Variants in HIVEP3 observed in about 807,000 individuals in gnomAD.
HIVEP3 encodes the protein transcription factor HIVEP3.
Under a neutral mutation model 152.8 loss-of-function variants are expected in HIVEP3, and 49 were observed. The observed-to-expected ratio is 0.32, with a 90% CI of 0.26 to 0.41. The LOEUF is 0.41. Ranked by LOEUF, HIVEP3 falls within the 10% of genes least tolerant of loss-of-function variation. HIVEP3 has a pLI of 1.00. For synonymous variants in HIVEP3, 1,269 were observed against 1,289.0 expected (o/e 0.98, Z 0.33); for missense variants, 2,790 against 3,103.3 (o/e 0.90, Z 2.40).
At chr1:42,034,945 C>T (rs113367657) in intron 1 of HIVEP3, among the ~76,000 whole-genome samples, 3 of 152,240 alleles carry the variant, frequency 2.0e-5, no homozygotes, top group African/African-American at 7.2e-5. Context: ...GACATGGAAT[C>T]GCTCTCTCAC....
Position 41,575,597 on chromosome 1 carries a change from A to C in HIVEP3, c.5154T>G (p.Asp1718Glu). 3 of 1,613,842 alleles carry C rather than the reference A, an allele frequency of 1.9e-6. No homozygotes were observed. The highest frequency in any genetic ancestry group is 1.6e-4 in the Middle Eastern group (1 of 6,062). Residue 1718 changes from aspartate to glutamate, a missense_variant, in exon 5 of 9, where the codon GAT becomes GAG. Physicochemically the swap from Asp to Glu is conservative, Grantham distance 45 (BLOSUM62 2). Transcript: ENST00000372583. ...GCTCCCCTCTCTGGGAGGCAGGAGC[A>C]TCCTCCTCCGGCTCCCCTCTCCTCT... ...EEERRGEPEE[D>E]APASQRGEPA... is the part of the protein sequence containing the mutation.
intron 1 of HIVEP3, among the ~76,000 whole-genome samples, chr1:42,004,009 T>C (rs2124525307): frequency 6.6e-6 from 1 of 152,288 alleles, no homozygotes; most frequent in Non-Finnish European, 1.5e-5. Context: ...ACAAGGCATC[T>C]CATGTTGTAG....
intron 3 of HIVEP3, among the ~76,000 whole-genome samples, chr1:41,588,755 G>T (rs891626453): frequency 1.3e-5 from 2 of 152,130 alleles, no homozygotes; most frequent in Non-Finnish European, 2.9e-5. Context: ...GAGCTGGAGG[G>T]GCCACCCTGT....
At position 41,700,294 on chromosome 1, in the gene HIVEP3, C is replaced by T. The variant is rs77670358; in HGVS notation, c.-721+622G>A. ...CAGGCAATAAATGATGTCCTGATGA[C>T]GAGGTCATGAGAGGGCAGGCATGGG... On this transcript the variant is annotated intron_variant, in intron 2 of 8. Transcript: ENST00000372583. 1.8e-3 allele frequency among the ~76,000 whole-genome samples: 274 copies of T among 152,308 alleles called. 7 individuals are homozygous for T. In the East Asian group the frequency reaches 0.047, roughly 26 times the overall value.
intron 1 of HIVEP3, among the ~76,000 whole-genome samples, chr1:41,935,462 T>C (rs1330669647): frequency 2.0e-5 from 3 of 152,076 alleles, no homozygotes; most frequent in Non-Finnish European, 4.4e-5. Flanking sequence ...AAATGCCTTA[T>C]TAGCTGAGTC....
intron 1 of HIVEP3, among the ~76,000 whole-genome samples, chr1:42,024,670 C>T (rs1645572565): frequency 6.6e-6 from 1 of 152,144 alleles, no homozygotes; most frequent in Non-Finnish European, 1.5e-5. Context: ...TACATTCACC[C>T]ACATGGTGAT....
At chr1:42,010,670 G>C (rs188521776) in intron 1 of HIVEP3, among the ~76,000 whole-genome samples, 373 of 152,156 alleles carry the variant, frequency 2.5e-3, no homozygotes, top group Non-Finnish European at 4.1e-3. Context: ...ATATTACTTT[G>C]CAGTGCTTTC....
chr1:41,943,949 GA>G (rs1023357983), intron 1 of HIVEP3, among the ~76,000 whole-genome samples: 1 of 152,166 alleles, frequency 6.6e-6, no homozygotes, highest in East Asian at 1.9e-4. Context: ...AAAAAGGAAG[GA>G]AATTCTGACA....
At chr1:41,943,073 A>AT (rs938668112) in intron 1 of HIVEP3, among the ~76,000 whole-genome samples, 3 of 151,068 alleles carry the variant, frequency 2.0e-5, no homozygotes, top group Middle Eastern at 3.4e-3. Context: ...CTAATTTTTT[A>AT]TTTTTTTTAT....
chr1:41,552,936 A>G (rs193120567), intron 5 of HIVEP3, among the ~76,000 whole-genome samples: 10 of 152,288 alleles, frequency 6.6e-5, no homozygotes, highest in African/African-American at 1.9e-4. Context: ...TCAATTTTGG[A>G]ATAAGTGCTA....
At chr1:41,753,605 T>C (rs1430802018) in intron 1 of HIVEP3, among the ~76,000 whole-genome samples, 1 of 151,360 alleles carries the variant, frequency 6.6e-6, no homozygotes, top group African/African-American at 2.4e-5. Flanking sequence ...GAGGCGGAGG[T>C]TGCAGTGAGC....
intron 5 of HIVEP3, among the ~76,000 whole-genome samples, chr1:41,529,064 C>T (rs1319706239): frequency 6.9e-6 from 1 of 144,536 alleles, no homozygotes; most frequent in African/African-American, 2.6e-5. Context: ...CCCACCCTCA[C>T]CCTCACACTC....
At chr1:41,941,829 G>A (rs1645047567) in intron 1 of HIVEP3, among the ~76,000 whole-genome samples, 1 of 152,122 alleles carries the variant, frequency 6.6e-6, no homozygotes, top group Non-Finnish European at 1.5e-5. Flanking sequence ...TCAGGGCTGG[G>A]GCCTGAACTT....
intron 1 of HIVEP3, among the ~76,000 whole-genome samples, chr1:41,999,452 C>T (rs1410000184): frequency 1.3e-5 from 2 of 152,058 alleles, no homozygotes; most frequent in East Asian, 3.9e-4. Context: ...CCCCAAAACC[C>T]TAATTAGGAG....
At chr1:41,518,540 C>G (rs772522394) in intron 6 of HIVEP3, 52 bp from the exon 7 acceptor site, 1 of 1,520,784 alleles carries the variant, frequency 6.6e-7, no homozygotes, top group East Asian at 2.3e-5. Flanking sequence ...GAGGCCAGGG[C>G]GGACCCAGGG....
chr1:41,627,461 G>A lies in HIVEP3; in HGVS notation c.-522+1288C>T, dbSNP rs1645133686. ...AGGCTCCAATGCCCAGTTCTTCCTT[G>A]GAATCCAGGGAACGATTCCTTTACC... is the stretch of plus-strand genomic sequence containing the variant. On this transcript the variant is annotated intron_variant, in intron 3 of 8. Transcript: ENST00000372583. 3.3e-5 allele frequency among the ~76,000 whole-genome samples: 5 copies of A among 152,220 alleles called. No individual in the cohort carries two copies. The South Asian group carries it at 1.0e-3, about 32-fold the overall frequency.
chr1:41,600,280 G>A (rs905713002), intron 3 of HIVEP3, among the ~76,000 whole-genome samples: 1 of 152,104 alleles, frequency 6.6e-6, no homozygotes, highest in Non-Finnish European at 1.5e-5. Flanking sequence ...TGTTCATAGC[G>A]GCATGATTTA....
At chr1:41,668,584 C>A (rs1558164102) in intron 2 of HIVEP3, among the ~76,000 whole-genome samples, 1 of 152,328 alleles carries the variant, frequency 6.6e-6, no homozygotes, top group East Asian at 1.9e-4. Flanking sequence ...TTTGGATACT[C>A]CACTTTTCCC....
intron 1 of HIVEP3, 36 bp from the exon 2 acceptor site, chr1:41,701,031 C>T: frequency 1.3e-5 from 12 of 918,758 alleles, no homozygotes; most frequent in Non-Finnish European, 1.6e-5. Flanking sequence ...TATTATGCCA[C>T]CGCCATCTGT....
Sources: allele counts gnomAD v4.1 joint callset (sites outside exome capture counted in the v4.1 genomes callset), GRCh38; gene constraint gnomAD v4.1.1; transcripts MANE v1.5; gene names NCBI Gene and HGNC (gene_info 2026-07-23, HGNC 2026-07-21).